The following SLC35A1 variants were observed in gnomAD, a reference collection of about 807,000 sequenced individuals.
SLC35A1 encodes solute carrier family 35 member A1, also known as CMP-sialic acid transporter.
In SLC35A1, 21 loss-of-function variants were observed where a neutral mutation model predicts 40.3. That is an observed-to-expected ratio of 0.52 (90% CI 0.37 to 0.75). SLC35A1 has a LOEUF of 0.75. SLC35A1 is among the 30% of genes least tolerant of loss of function. SLC35A1 has a pLI of 0.00. For missense variants in SLC35A1, 297 were observed against 382.1 expected (o/e 0.78, Z 1.86); for synonymous variants, 146 against 147.3 (o/e 0.99, Z 0.06).
intron 2 of SLC35A1, among the ~76,000 whole-genome samples, chr6:87,480,349 T>C (rs1769210307): frequency 6.6e-6 from 1 of 152,240 alleles, no homozygotes; most frequent in African/African-American, 2.4e-5. Context: ...TCCACTTGAT[T>C]TGAGGACCAT....
At chr6:87,475,028 T>C (rs757699827) in intron 1 of SLC35A1, among the ~76,000 whole-genome samples, 1 of 152,162 alleles carries the variant, frequency 6.6e-6, no homozygotes, top group Non-Finnish European at 1.5e-5. Flanking sequence ...CCCTAACTTC[T>C]CTTATTTATG....
At chr6:87,477,295 T>G (rs551718262) in intron 1 of SLC35A1, 67 bp from the exon 2 acceptor site, 22 of 1,301,704 alleles carry the variant, frequency 1.7e-5, no homozygotes, top group African/African-American at 4.4e-5. Context: ...AGGCTATAAC[T>G]AGTTTATTAA....
chr6:87,501,339 C>T lies in SLC35A1; in HGVS notation c.507+29C>T, dbSNP rs1276974994. On this transcript the variant is annotated intron_variant, in intron 4 of 7. Transcript: ENST00000369552. ...AGAAACAAAATGCACACCATAACTT[C>T]CCATAAATAGAAAACTTCCTTAAGT... is the stretch of plus-strand genomic sequence containing the variant. 5.0e-6 allele frequency: 8 copies of T among 1,604,248 alleles called. No individual in the cohort carries two copies. The Admixed American group carries it at 1.0e-4, about 20-fold the overall frequency.
intron 4 of SLC35A1, among the ~76,000 whole-genome samples, chr6:87,502,081 A>G (rs1769937455): frequency 3.3e-5 from 5 of 152,198 alleles, no homozygotes. Context: ...TGGGATGTAC[A>G]GTGCTTGTGA....
At chr6:87,489,653 T>G (rs1273294394) in intron 2 of SLC35A1, among the ~76,000 whole-genome samples, 1 of 148,502 alleles carries the variant, frequency 6.7e-6, no homozygotes, top group Non-Finnish European at 1.5e-5. Context: ...GCGATTCTCC[T>G]GCCTCAGTCT....
At chr6:87,505,486 T>C (rs1431391679) in intron 4 of SLC35A1, among the ~76,000 whole-genome samples, 5 of 152,224 alleles carry the variant, frequency 3.3e-5, no homozygotes, top group African/African-American at 1.2e-4. Flanking sequence ...GAGCTGTGTA[T>C]TGTAATCTTC....
intron 2 of SLC35A1, among the ~76,000 whole-genome samples, chr6:87,483,458 T>G (rs192581271): frequency 3.3e-5 from 5 of 151,300 alleles, no homozygotes; most frequent in Non-Finnish European, 7.4e-5. Context: ...CTCACCTCAC[T>G]GAGGTTCAAT....
At chr6:87,508,311 T>G in intron 5 of SLC35A1, 109 bp from the exon 6 acceptor site, 2 of 733,186 alleles carry the variant, frequency 2.7e-6, no homozygotes, top group Non-Finnish European at 4.5e-6. Context: ...GTATGTTTTG[T>G]TCCCCAAATC....
chr6:87,496,779 CAAAA>C (rs751785939), intron 2 of SLC35A1, among the ~76,000 whole-genome samples: 1 of 28,106 alleles, frequency 3.6e-5, no homozygotes, highest in Admixed American at 4.2e-4. Flanking sequence ...GACTCCATCT[CAAAA>C]AAAAAAAAAA....
intron 2 of SLC35A1, among the ~76,000 whole-genome samples, chr6:87,478,504 T>C (rs752018233): frequency 2.9e-4 from 44 of 152,142 alleles, no homozygotes; most frequent in Non-Finnish European, 6.2e-4. Flanking sequence ...GGAGGAATAG[T>C]GTTGTGTGTA....
At chr6:87,485,804 A>C (rs1769373260) in intron 2 of SLC35A1, among the ~76,000 whole-genome samples, 1 of 152,172 alleles carries the variant, frequency 6.6e-6, no homozygotes, top group Admixed American at 6.6e-5. Context: ...CCTGATGATT[A>C]AAATAGTGTA....
chr6:87,494,616 G>A (rs961256597), intron 2 of SLC35A1, among the ~76,000 whole-genome samples: 1 of 151,822 alleles, frequency 6.6e-6, no homozygotes, highest in South Asian at 2.1e-4. Context: ...TAGTAGAGAC[G>A]GGGTTTCACT....
chr6:87,498,797 T>C (rs1769823460), intron 2 of SLC35A1, among the ~76,000 whole-genome samples: 2 of 151,720 alleles, frequency 1.3e-5, no homozygotes, highest in South Asian at 4.2e-4. Flanking sequence ...ACAACAAAGA[T>C]GTAAGGAAAG....
rs188617152 is a variant in SLC35A1, at chr6:87,487,151, G to A, written c.194+9612G>A. 8.9e-4 allele frequency among the ~76,000 whole-genome samples: 136 copies of A among 152,266 alleles called. 2 individuals are homozygous for A. The highest frequency in any genetic ancestry group is 3.1e-3 in the African/African-American group (130 of 41,552). On this transcript the variant is annotated intron_variant, in intron 2 of 7. Transcript: ENST00000369552. ...AGATCACACCACTGCACTCCAGCCT[G>A]GGTGACAGAGCAAGACTCCGTCTCA...
intron 5 of SLC35A1, 106 bp from the exon 6 acceptor site, chr6:87,508,314 C>T (rs992823907): frequency 2.2e-5 from 17 of 758,764 alleles, no homozygotes; most frequent in Admixed American, 7.9e-5. Flanking sequence ...TGTTTTGTTC[C>T]CCAAATCATA....
intron 2 of SLC35A1, among the ~76,000 whole-genome samples, chr6:87,499,806 T>C (rs1169393556): frequency 6.6e-6 from 1 of 152,160 alleles, no homozygotes; most frequent in Admixed American, 6.5e-5. Context: ...ATTAAATCTA[T>C]TGTAATTTAA....
chr6:87,473,942 CG>C (rs541968926), intron 1 of SLC35A1, among the ~76,000 whole-genome samples: 2 of 152,226 alleles, frequency 1.3e-5, no homozygotes, highest in African/African-American at 2.4e-5. Flanking sequence ...TTCCCTGTTG[CG>C]GGGTCCATGT....
At chr6:87,473,973 A>G (rs1238404818) in intron 1 of SLC35A1, among the ~76,000 whole-genome samples, 3 of 152,242 alleles carry the variant, frequency 2.0e-5, no homozygotes, top group African/African-American at 7.2e-5. Flanking sequence ...GGCCCTGCCC[A>G]GGGGCATTGT....
chr6:87,496,795 G>C lies in SLC35A1; in HGVS notation c.195-3713G>C, dbSNP rs7763877. Among the ~76,000 whole-genome samples, 477 of 138,864 alleles carry C rather than the reference G, an allele frequency of 3.4e-3. 9 individuals are homozygous for C. The highest frequency in any genetic ancestry group is 9.7e-3 in the African/African-American group (360 of 37,288). 91.1% of individuals were successfully genotyped at this position (138,864 alleles called of 152,430 possible). On this transcript the variant is annotated intron_variant, in intron 2 of 7. Coordinates refer to ENST00000369552, the MANE Select transcript of SLC35A1 (RefSeq NM_006416.5). Reference sequence around the variant, plus strand: ...ACTCCATCTCAAAAAAAAAAAAAAAGAAAAACCCACCAAAACAGAAAATAT... The same window carrying C: ...ACTCCATCTCAAAAAAAAAAAAAAACAAAAACCCACCAAAACAGAAAATAT...
Sources: allele counts gnomAD v4.1 joint callset (sites outside exome capture counted in the v4.1 genomes callset), GRCh38; gene constraint gnomAD v4.1.1; transcripts MANE v1.5; gene names NCBI Gene and HGNC (gene_info 2026-07-23, HGNC 2026-07-21).